The following CRTC3 variants were observed in gnomAD, a reference collection of about 807,000 sequenced individuals.
CRTC3 encodes the protein CREB-regulated transcription coactivator 3.
CRTC3 carries 26 observed loss-of-function variants against 74.5 expected under a neutral mutation model. The ratio of observed to expected loss-of-function variants is 0.35; its 90% CI spans 0.26 to 0.48. The LOEUF (loss-of-function observed/expected upper bound fraction) is 0.48, where lower values mean the gene tolerates loss of function less well. Ranked by LOEUF, CRTC3 falls within the 20% of genes least tolerant of loss-of-function variation. The probability of loss-of-function intolerance (pLI) is 0.99; values close to 1 mark genes in which losing one functional copy is unlikely to be tolerated. For missense variants in CRTC3, 760 were observed against 787.3 expected, an observed-to-expected ratio of 0.97 and a Z score of 0.41; for synonymous variants, 377 against 325.8, an observed-to-expected ratio of 1.16 and a Z score of -1.69.
intron 2 of CRTC3, among the ~76,000 whole-genome samples, chr15:90,582,040 C>A (rs912957169): frequency 1.3e-5 from 2 of 152,150 alleles, no homozygotes; most frequent in African/African-American, 2.4e-5. Flanking sequence ...GCCACTAGGC[C>A]GGACTCCTGC....
chr15:90,629,310 C>A lies in CRTC3; in HGVS notation c.1044C>A (p.Asn348Lys). ...NKTVLSSSLN[N>K]HPQTSVPNAS... ...CTGTGCTTTCCTCTTCCTTAAATAACCACCCACAGACATCTGTTCCCAACG... is the reference window on the plus strand; with the variant it reads ...CTGTGCTTTCCTCTTCCTTAAATAAACACCCACAGACATCTGTTCCCAACG... Residue 348 changes from asparagine to lysine, a missense_variant, in exon 11 of 15, where the codon AAC becomes AAA. Physicochemically the swap from Asn to Lys is moderately conservative, Grantham distance 94. Around this residue, in one of 2 missense-constraint regions of CRTC3, gnomAD observed 652 missense variants for 635.2 expected, o/e 1.03. Coordinates refer to ENST00000268184, the MANE Select transcript of CRTC3 (RefSeq NM_022769.5). The A allele has an allele frequency of 6.2e-7, 1 of 1,614,118 alleles. No homozygotes were observed. The highest frequency in any genetic ancestry group is 8.5e-7 in the Non-Finnish European group (1 of 1,180,006).
At chr15:90,581,990 T>C (rs1457829303) in intron 2 of CRTC3, among the ~76,000 whole-genome samples, 2 of 152,184 alleles carry the variant, frequency 1.3e-5, no homozygotes, top group East Asian at 1.9e-4. Context: ...TACCTGACCC[T>C]TGTGGCCTCC....
At chr15:90,603,312 A>G (rs6496708) in intron 4 of CRTC3, among the ~76,000 whole-genome samples, 99,889 of 145,844 alleles carry the variant, frequency 0.68, 34,704 homozygotes, top group South Asian at 0.78. Flanking sequence ...GCGTGGTGGC[A>G]GGCGCCTGTA....
intron 10 of CRTC3, 53 bp downstream of exon 10, chr15:90,626,046 C>T (rs1208206688): frequency 2.2e-6 from 3 of 1,371,884 alleles, no homozygotes; most frequent in Non-Finnish European, 3.1e-6. Flanking sequence ...AGGTGGTCCC[C>T]ACCCATGTGG....
At chr15:90,551,960 A>ACACG (rs1966859361) in intron 2 of CRTC3, among the ~76,000 whole-genome samples, 1 of 28,970 alleles carries the variant, frequency 3.5e-5, no homozygotes, top group East Asian at 7.4e-4. Flanking sequence ...ACACACACAC[A>ACACG]CACACACAAA....
intron 11 of CRTC3, among the ~76,000 whole-genome samples, chr15:90,637,450 C>T (rs71407317): frequency 0.2 from 29,787 of 151,896 alleles, 3,021 homozygotes; most frequent in African/African-American, 0.24. Context: ...ATATACCTAA[C>T]GTAAATGACG....
rs866420341 is a variant in CRTC3, at chr15:90,530,139, C to T, written c.68C>T (p.Thr23Met). The T allele has an allele frequency of 2.7e-6, 4 of 1,455,472 alleles. No homozygotes were observed. The African/African-American group carries it at 4.5e-5, about 16-fold the overall frequency. The allele number at this position is 1,455,472 out of a possible 1,614,324, so 90.2% of individuals were successfully genotyped here. Residue 23 changes from threonine to methionine, a missense_variant, in exon 1 of 15, where the codon ACG (threonine) becomes ATG (methionine). This residue lies in a region of CRTC3 where 108 missense variants were observed against 152.1 expected (regional missense o/e 0.71). Coordinates refer to ENST00000268184, the MANE Select transcript of CRTC3 (RefSeq NM_022769.5). The surrounding 1 kb of genome is among the most constrained non-coding windows in gnomAD (Gnocchi z 6.2). ...TTCAGTGAGAAGATCGCGCTGCACACGCAGAGACAGGCCGAGGAGACGCGG... is the reference window on the plus strand; with the variant it reads ...TTCAGTGAGAAGATCGCGCTGCACATGCAGAGACAGGCCGAGGAGACGCGG... The part of the protein sequence containing the change: ...RKFSEKIALH[T>M]QRQAEETRAF...
chr15:90,641,263 T>A, intron 14 of CRTC3, 64 bp downstream of exon 14: 1 of 1,105,166 alleles, frequency 9.0e-7, no homozygotes, highest in South Asian at 1.3e-5. Context: ...GGAACCTTCA[T>A]AAGAGAGTTT....
chr15:90,598,545 G>A lies in CRTC3; in HGVS notation c.352-3779G>A, dbSNP rs886265507. On this transcript the variant is annotated intron_variant, in intron 3 of 14. Coordinates refer to ENST00000268184, the MANE Select transcript of CRTC3 (RefSeq NM_022769.5). Reference sequence around the variant, plus strand: ...AGAACTGCAGAGGCTTGGGGAGAGAGAGAACACACTGGGATGACTCTGAGA... The same window carrying A: ...AGAACTGCAGAGGCTTGGGGAGAGAAAGAACACACTGGGATGACTCTGAGA... 5.7e-6 allele frequency: 4 copies of A among 702,122 alleles called. No homozygotes were observed. In the African/African-American group the frequency reaches 7.0e-5, roughly 12 times the overall value. The allele number at this position is 702,122 out of a possible 1,614,324, so 43.5% of individuals were successfully genotyped here.
chr15:90,550,884 G>A (rs2151061268), intron 2 of CRTC3, among the ~76,000 whole-genome samples: 1 of 152,144 alleles, frequency 6.6e-6, no homozygotes, highest in South Asian at 2.1e-4. Flanking sequence ...GTTGCCCAGG[G>A]AGCACTCCTA....
At chr15:90,617,000 T>TAGA (rs1968510245) in intron 7 of CRTC3, among the ~76,000 whole-genome samples, 1 of 152,122 alleles carries the variant, frequency 6.6e-6, no homozygotes, top group Non-Finnish European at 1.5e-5. Context: ...TCATCCCTCT[T>TAGA]CTTCCATTCT....
At chr15:90,625,214 C>T (rs1019240285) in intron 9 of CRTC3, among the ~76,000 whole-genome samples, 3 of 84,984 alleles carry the variant, frequency 3.5e-5, no homozygotes, top group African/African-American at 8.2e-5. Context: ...GGCCTGACCC[C>T]GGCGGACACA....
intron 2 of CRTC3, among the ~76,000 whole-genome samples, chr15:90,579,790 C>T (rs1011135731): frequency 2.6e-5 from 4 of 151,944 alleles, no homozygotes; most frequent in South Asian, 2.1e-4. Context: ...CACAGGCACC[C>T]GCCACCATGC....
chr15:90,579,014 G>T (rs1425387522), intron 2 of CRTC3, among the ~76,000 whole-genome samples: 1 of 152,096 alleles, frequency 6.6e-6, no homozygotes, highest in Non-Finnish European at 1.5e-5. Flanking sequence ...CTCATTATCT[G>T]AGGGTTGGTT....
chr15:90,609,868 G>T (rs1968317517), intron 6 of CRTC3, among the ~76,000 whole-genome samples: 1 of 152,206 alleles, frequency 6.6e-6, no homozygotes, highest in Non-Finnish European at 1.5e-5. Flanking sequence ...GAGAATCGTG[G>T]TGGTCTCTCC....
At chr15:90,639,506 G>C (rs1040080044) in intron 13 of CRTC3, among the ~76,000 whole-genome samples, 4 of 147,624 alleles carry the variant, frequency 2.7e-5, no homozygotes, top group African/African-American at 7.5e-5. Context: ...CTGGAGTGCA[G>C]TGGCGTGATC....
intron 2 of CRTC3, among the ~76,000 whole-genome samples, chr15:90,582,083 T>A (rs777538874): frequency 2.6e-5 from 4 of 152,234 alleles, no homozygotes; most frequent in Non-Finnish European, 4.4e-5. Context: ...CAAAAGCCAG[T>A]TCTTCCCTTC....
chr15:90,565,468 G>A (rs1004989563), intron 2 of CRTC3, among the ~76,000 whole-genome samples: 3 of 152,174 alleles, frequency 2.0e-5, no homozygotes, highest in African/African-American at 4.8e-5. Flanking sequence ...CAGTGTTGGT[G>A]AGTGGGTAAT....
chr15:90,539,629 T>C (rs765250643), intron 1 of CRTC3: 3 of 236,380 alleles, frequency 1.3e-5, no homozygotes, highest in Non-Finnish European at 1.6e-5. Context: ...TGATCACAGC[T>C]ATGCAGTTCT....
Sources: gnomAD v4.1 joint callset for allele counts (sites outside exome capture counted in the v4.1 genomes callset) on GRCh38, gnomAD v4.1.1 for gene constraint, gnomAD v4.1.1 regional missense constraint, Gnocchi (gnomAD v3.1) non-coding constraint, MANE v1.5 for transcripts, NCBI Gene and HGNC (gene_info 2026-07-23, HGNC 2026-07-21) for gene names.